The following MAPT variants were observed in gnomAD, a reference collection of about 807,000 sequenced individuals.
MAPT encodes microtubule-associated protein tau.
In MAPT, 34 loss-of-function variants were observed where a neutral mutation model predicts 67.9. The ratio of observed to expected loss-of-function variants is 0.50; its 90% CI spans 0.38 to 0.67. MAPT has a LOEUF of 0.67. Ranked by LOEUF, MAPT falls within the 30% of genes least tolerant of loss-of-function variation. The pLI, the probability that MAPT is intolerant of heterozygous loss-of-function variation, is 0.00. For synonymous variants in MAPT, 456 were observed against 464.5 expected (o/e 0.98, Z 0.23); for missense variants, 881 against 1,115.2 (o/e 0.79, Z 2.99).
At chr17:45,903,866 AT>A (rs1568132393) in intron 1 of MAPT, among the ~76,000 whole-genome samples, 17 of 56,600 alleles carry the variant, frequency 3.0e-4, no homozygotes, top group African/African-American at 1.1e-3. Flanking sequence ...TATATATATT[AT>A]ATATTATATA....
chr17:45,949,014 T>C (rs2068784374), intron 1 of MAPT, among the ~76,000 whole-genome samples: 1 of 152,274 alleles, frequency 6.6e-6, no homozygotes, highest in African/African-American at 2.4e-5. Flanking sequence ...GATAGCTTTA[T>C]TGAGATATAA....
intron 1 of MAPT, among the ~76,000 whole-genome samples, chr17:45,919,116 T>C (rs1404949604): frequency 1.3e-5 from 2 of 151,910 alleles, no homozygotes; most frequent in Admixed American, 1.3e-4. Context: ...AATTATTGTT[T>C]ATGAGCTATA....
chr17:45,936,479 C>T (rs779609577), intron 1 of MAPT, among the ~76,000 whole-genome samples: 1 of 152,224 alleles, frequency 6.6e-6, no homozygotes, highest in Non-Finnish European at 1.5e-5. Context: ...GCATTCTGTG[C>T]TTTATAGCAT....
In MAPT at chr17:45,971,883, A is replaced by C; in HGVS notation, c.158A>C (p.Glu53Ala). Residue 53 changes from glutamate to alanine, a missense_variant, in exon 3 of 13, where the codon GAG becomes GCG. By Grantham distance (107) the Glu-to-Ala change is moderately radical. Around this residue, in one of 6 missense-constraint regions of MAPT, gnomAD observed 687 missense variants for 766.1 expected, o/e 0.90. Transcript: ENST00000262410. This position sits in a 1 kb window ranked among gnomAD's most constrained non-coding sequence, Gnocchi z 4.3. ...GAATCTCCCCTGCAGACCCCCACTG[A>C]GGACGGATCTGAGGAACCGGGCTCT... ...LKESPLQTPT[E>A]DGSEEPGSET... The C allele has an allele frequency of 6.2e-7, 1 of 1,614,058 alleles. No homozygotes were observed. Among genetic ancestry groups the C allele is most frequent in the Non-Finnish European group, 8.5e-7 (1 of 1,179,970 alleles).
chr17:45,962,321 G>A lies in MAPT; in HGVS notation c.-17G>A, dbSNP rs922986887. 25 of 1,611,498 alleles carry A rather than the reference G, an allele frequency of 1.6e-5. No homozygotes were observed. Among genetic ancestry groups the A allele is most frequent in the Non-Finnish European group, 2.1e-5 (25 of 1,179,662 alleles). On this transcript the variant is annotated splice_region_variant and 5_prime_UTR_variant, in exon 2 of 13. The change creates a new upstream start codon in the 5' untranslated region. Transcript: ENST00000262410. ...TTATCCTCTCCTCTTCTTTCCCCAG[G>A]TGAACTTTGAACCAGGATGGCTGAG...
At position 46,028,110 on chromosome 17, in the gene MAPT, A is replaced by G. The variant is rs1278399227; in HGVS notation, c.*3939A>G. The G allele has an allele frequency of 1.4e-5, 2 of 142,924 alleles. No individual in the cohort carries two copies. The highest frequency in any genetic ancestry group is 7.7e-5 in the Admixed American group (1 of 12,984). 8.9% of individuals were successfully genotyped at this position (142,924 alleles called of 1,614,324 possible). A position where few individuals can be genotyped will look rare whatever the true frequency, so the allele number is the denominator to read the frequency against. ...GGCCTAGAGCCTCACCTCCTAATAG[A>G]CTTAGCCCCATGAGTTTGCCATGTT... On this transcript the variant is annotated 3_prime_UTR_variant, in exon 13 of 13. Transcript: ENST00000262410.
At chr17:45,963,190 T>C (rs748291128) in intron 2 of MAPT, among the ~76,000 whole-genome samples, 4 of 152,260 alleles carry the variant, frequency 2.6e-5, no homozygotes, top group Non-Finnish European at 4.4e-5. Context: ...GGATTCTTAC[T>C]GTAGCCACAT....
intron 1 of MAPT, among the ~76,000 whole-genome samples, chr17:45,924,620 C>T (rs988579547): frequency 6.6e-6 from 1 of 152,246 alleles, no homozygotes; most frequent in Non-Finnish European, 1.5e-5. Flanking sequence ...GCCCCCATTT[C>T]CATCACATGC....
chr17:45,941,704 T>TTCCCCCCTTCCC (rs1568208084), intron 1 of MAPT, among the ~76,000 whole-genome samples: 1 of 63,016 alleles, frequency 1.6e-5, no homozygotes, highest in Non-Finnish European at 3.3e-5. Context: ...CCTTCCTGCC[T>TTCCCCCCTTCCC]GCCTTCCTTC....
At chr17:45,907,020 C>T (rs2064357591) in intron 1 of MAPT, among the ~76,000 whole-genome samples, 1 of 152,180 alleles carries the variant, frequency 6.6e-6, no homozygotes, top group African/African-American at 2.4e-5. Context: ...TTTTGCATGC[C>T]ATTGCCAAAT....
At chr17:45,989,433 G>A (rs865979178) in intron 6 of MAPT, among the ~76,000 whole-genome samples, 1 of 152,072 alleles carries the variant, frequency 6.6e-6, no homozygotes, top group Non-Finnish European at 1.5e-5. Context: ...GGTGGATCAC[G>A]AGGTCAGGAG....
intron 10 of MAPT, among the ~76,000 whole-genome samples, chr17:46,011,698 C>T (rs990073379): frequency 6.6e-6 from 1 of 152,198 alleles, no homozygotes; most frequent in Non-Finnish European, 1.5e-5. Context: ...GAGCAATCAC[C>T]TGGCCCTGGC....
At chr17:46,016,831 AT>A (rs1423508887) in intron 11 of MAPT, among the ~76,000 whole-genome samples, 1 of 152,224 alleles carries the variant, frequency 6.6e-6, no homozygotes, top group African/African-American at 2.4e-5. Flanking sequence ...AGTGATGGAA[AT>A]ATTCTGTATC....
Position 45,903,110 on chromosome 17 carries a change from G to A in MAPT, c.-18+8424G>A, listed in dbSNP as rs2063725272. Among the ~76,000 whole-genome samples, 4 of 152,186 alleles carry A rather than the reference G, an allele frequency of 2.6e-5. No homozygotes were observed. In the South Asian group the frequency reaches 8.3e-4, roughly 32 times the overall value. On this transcript the variant is annotated intron_variant, in intron 1 of 12. Coordinates refer to ENST00000262410, the MANE Select transcript of MAPT (RefSeq NM_001377265.1). ...AAGACCCCTGGCTCTGTAATTGCTT[G>A]TCATGTGCTCTACAGACGCCACAGA...
intron 9 of MAPT, among the ~76,000 whole-genome samples, chr17:46,002,007 G>A (rs1009670794): frequency 5.3e-5 from 8 of 152,368 alleles, no homozygotes; most frequent in Admixed American, 2.0e-4. Context: ...AAGGAGGATA[G>A]TGGAACACTG....
At chr17:45,953,432 C>T (rs2069286960) in intron 1 of MAPT, among the ~76,000 whole-genome samples, 1 of 152,216 alleles carries the variant, frequency 6.6e-6, no homozygotes, top group South Asian at 2.1e-4. Context: ...CGAGTCTAAT[C>T]AGAAGGTCCA....
chr17:46,026,047 G>GT lies in MAPT; in HGVS notation c.*1879dup, dbSNP rs1396180824. 1 of 140,878 alleles carries GT rather than the reference G, an allele frequency of 7.1e-6. No individual in the cohort carries two copies. The highest frequency in any genetic ancestry group is 1.5e-5 in the Non-Finnish European group (1 of 65,606). The allele number at this position is 140,878 out of a possible 1,614,324, so 8.7% of individuals were successfully genotyped here. On this transcript the variant is annotated 3_prime_UTR_variant, in exon 13 of 13. Transcript: ENST00000262410. ...TGTTGAGTTGTAGTTGGATTTGTCT[G>GT]TTTATGCTTGGATTCACCAGAGTGA...
At chr17:45,985,397 T>G (rs2073438689) in intron 5 of MAPT, among the ~76,000 whole-genome samples, 1 of 152,146 alleles carries the variant, frequency 6.6e-6, no homozygotes, top group South Asian at 2.1e-4. Flanking sequence ...ATAACTGACT[T>G]GACAGGTTAC....
intron 11 of MAPT, among the ~76,000 whole-genome samples, chr17:46,018,189 C>A (rs1179131176): frequency 6.6e-6 from 1 of 151,492 alleles, no homozygotes; most frequent in Non-Finnish European, 1.5e-5. Context: ...GGAAGCCAAC[C>A]AATGTATATT....
Sources: allele counts gnomAD v4.1 joint callset (sites outside exome capture counted in the v4.1 genomes callset), GRCh38; gene constraint gnomAD v4.1.1; regional missense constraint gnomAD v4.1.1; non-coding constraint Gnocchi (gnomAD v3.1); transcripts MANE v1.5; gene names NCBI Gene and HGNC (gene_info 2026-07-23, HGNC 2026-07-21).